The following RFC3 variants were observed in gnomAD, a reference collection of about 807,000 sequenced individuals.
RFC3 encodes the protein replication factor C subunit 3, also known as A1 38 kDa subunit.
A neutral mutation model predicts 45.1 loss-of-function variants in RFC3; 41 were observed. The ratio of observed to expected loss-of-function variants is 0.91; its 90% CI spans 0.71 to 1.18. The LOEUF is 1.18. Among genes scored for constraint, RFC3 ranks in the 50% most tolerant of loss-of-function variants. The pLI is 0.00. For missense variants in RFC3, 423 were observed against 428.1 expected, an observed-to-expected ratio of 0.99 and a Z score of 0.10; for synonymous variants, 149 against 144.0, an observed-to-expected ratio of 1.03 and a Z score of -0.25.
At chr13:33,903,931 A>G (rs1476380688) in intron 8 of RFC3, among the ~76,000 whole-genome samples, 7 of 151,980 alleles carry the variant, frequency 4.6e-5, no homozygotes, top group African/African-American at 2.4e-5. Flanking sequence ...ATAGGTATCT[A>G]TTTCCTGCTG....
At position 33,835,102 on chromosome 13, in the gene RFC3, A is replaced by G. The variant is rs780525457; in HGVS notation, c.810-46A>G. ...CATACAGTGGGAATTTGGAAAAATT[A>G]CCTCTTATTTTCTTCACAAAATACC... is the stretch of plus-strand genomic sequence containing the variant. On this transcript the variant is annotated intron_variant, in intron 7 of 8. Coordinates refer to ENST00000380071, the MANE Select transcript of RFC3 (RefSeq NM_002915.4). 3.9e-6 allele frequency: 5 copies of G among 1,266,610 alleles called. No homozygotes were observed. The African/African-American group carries it at 6.0e-5, about 15-fold the overall frequency. The allele number at this position is 1,266,610 out of a possible 1,614,324, so 78.5% of individuals were successfully genotyped here. A position where few individuals can be genotyped will look rare whatever the true frequency, so the allele number is the denominator to read the frequency against.
At chr13:33,897,240 G>A (rs749783934) in intron 8 of RFC3, among the ~76,000 whole-genome samples, 2 of 151,630 alleles carry the variant, frequency 1.3e-5, no homozygotes, top group Non-Finnish European at 2.9e-5. Context: ...ATGTAAATTG[G>A]GACAAGAGTC....
chr13:33,838,473 G>A (rs1458343022), downstream of RFC3, among the ~76,000 whole-genome samples: 1 of 152,088 alleles, frequency 6.6e-6, no homozygotes, highest in Non-Finnish European at 1.5e-5. Context: ...ATGTCATTCT[G>A]CTGCCTTCAC....
At chr13:33,843,761 G>T (rs187668319) in intron 8 of RFC3, among the ~76,000 whole-genome samples, 2 of 152,254 alleles carry the variant, frequency 1.3e-5, no homozygotes, top group Non-Finnish European at 2.9e-5. Flanking sequence ...CAAGAAATGG[G>T]CTGTCAACAC....
intron 8 of RFC3, among the ~76,000 whole-genome samples, chr13:33,960,614 G>T (rs370791534): frequency 6.6e-5 from 10 of 152,300 alleles, no homozygotes; most frequent in African/African-American, 2.4e-4. Flanking sequence ...GTTTTGGGCA[G>T]TTCTTCTTGT....
chr13:33,846,934 C>G (rs746512937), intron 8 of RFC3: 2 of 152,476 alleles, frequency 1.3e-5, no homozygotes, highest in Non-Finnish European at 2.9e-5. Flanking sequence ...GAGTCTCACC[C>G]TGTTGACCAG....
At chr13:33,823,820 T>A in intron 2 of RFC3, 97 bp from the exon 3 acceptor site, 1 of 595,774 alleles carries the variant, frequency 1.7e-6, no homozygotes, top group South Asian at 2.6e-5. Flanking sequence ...ATCTCAAGTT[T>A]TACTTTGTGT....
chr13:33,865,408 T>A (rs1014390194), intron 8 of RFC3, among the ~76,000 whole-genome samples: 1 of 152,222 alleles, frequency 6.6e-6, no homozygotes, highest in African/African-American at 2.4e-5. Context: ...GGATTGAGTG[T>A]GTGTGATGGA....
At chr13:33,867,091 C>G (rs1179429531) in intron 8 of RFC3, among the ~76,000 whole-genome samples, 1 of 152,152 alleles carries the variant, frequency 6.6e-6, no homozygotes, top group Admixed American at 6.5e-5. Flanking sequence ...ATAAAAGAAA[C>G]AAGGCAATGC....
intron 8 of RFC3, among the ~76,000 whole-genome samples, chr13:33,900,844 A>T (rs927123409): frequency 1.8e-4 from 28 of 151,722 alleles, no homozygotes; most frequent in African/African-American, 2.9e-4. Context: ...AAAAAAAAAA[A>T]AAATAATAAA....
At chr13:33,944,541 G>C (rs1952606) in intron 8 of RFC3, among the ~76,000 whole-genome samples, 5,852 of 152,044 alleles carry the variant, frequency 0.038, 366 homozygotes, top group African/African-American at 0.13. Context: ...GTTCATTTGC[G>C]ATCACCATCC....
intron 8 of RFC3, among the ~76,000 whole-genome samples, chr13:33,902,922 A>G (rs897369898): frequency 6.6e-6 from 1 of 152,072 alleles, no homozygotes; most frequent in Non-Finnish European, 1.5e-5. Flanking sequence ...GCTAAAAAAA[A>G]AAAAATTGCA....
chr13:33,829,084 A>T (rs1242208829), intron 4 of RFC3, among the ~76,000 whole-genome samples: 1 of 152,082 alleles, frequency 6.6e-6, no homozygotes, highest in Non-Finnish European at 1.5e-5. Flanking sequence ...TGTTCTGTTT[A>T]TTTTTATGGG....
chr13:33,943,969 C>G (rs577207632), intron 8 of RFC3, among the ~76,000 whole-genome samples: 1 of 152,148 alleles, frequency 6.6e-6, no homozygotes, highest in Non-Finnish European at 1.5e-5. Flanking sequence ...ACAAAGCCCC[C>G]CAAAATTAAT....
intron 8 of RFC3, among the ~76,000 whole-genome samples, chr13:33,938,386 A>G (rs2082901991): frequency 6.6e-6 from 1 of 152,118 alleles, no homozygotes; most frequent in African/African-American, 2.4e-5. Flanking sequence ...CATTCAGAAA[A>G]GTATAAAAAT....
chr13:33,901,323 T>G (rs528506262), intron 8 of RFC3, among the ~76,000 whole-genome samples: 1 of 152,004 alleles, frequency 6.6e-6, no homozygotes, highest in Non-Finnish European at 1.5e-5. Flanking sequence ...GATAAAAAAA[T>G]GTGGTATATA....
chr13:33,870,270 T>C (rs1179166561), intron 8 of RFC3, among the ~76,000 whole-genome samples: 1 of 152,202 alleles, frequency 6.6e-6, no homozygotes, highest in Non-Finnish European at 1.5e-5. Context: ...TGGGCTTGTT[T>C]ATTCAGAAGA....
At chr13:33,900,166 T>C (rs947957516) in intron 8 of RFC3, among the ~76,000 whole-genome samples, 2 of 151,752 alleles carry the variant, frequency 1.3e-5, no homozygotes, top group Non-Finnish European at 2.9e-5. Flanking sequence ...TTCACAGAAA[T>C]ACAAAAAGCA....
intron 3 of RFC3, among the ~76,000 whole-genome samples, chr13:33,824,404 G>A (rs1198197397): frequency 2.0e-5 from 3 of 152,020 alleles, no homozygotes; most frequent in Admixed American, 6.6e-5. Context: ...CTTGATTAGA[G>A]GTATTATAAT....
Sources: gnomAD v4.1 joint callset for allele counts (sites outside exome capture counted in the v4.1 genomes callset) on GRCh38, gnomAD v4.1.1 for gene constraint, MANE v1.5 for transcripts, NCBI Gene and HGNC (gene_info 2026-07-23, HGNC 2026-07-21) for gene names.